CPNE8: variants seen among roughly 807,000 people sequenced by gnomAD.
The protein encoded by CPNE8 is copine 8.
Under a neutral mutation model 81.5 loss-of-function variants are expected in CPNE8, and 45 were observed. That is an observed-to-expected ratio of 0.55 (90% CI 0.44 to 0.71). CPNE8 has a LOEUF of 0.71. CPNE8 is among the 30% of genes least tolerant of loss of function. The pLI is 0.00. For synonymous variants in CPNE8, 252 were observed against 226.3 expected (o/e 1.11, Z -1.02); for missense variants, 594 against 672.1 (o/e 0.88, Z 1.28).
chr12:38,834,200 T>C (rs1943345410), intron 5 of CPNE8, among the ~76,000 whole-genome samples: 1 of 152,190 alleles, frequency 6.6e-6, no homozygotes, highest in Admixed American at 6.5e-5. Flanking sequence ...TCTTCTCCAT[T>C]TGCATTTTCT....
chr12:38,817,614 CTTTT>C (rs869168296), intron 6 of CPNE8, among the ~76,000 whole-genome samples: 18 of 90,606 alleles, frequency 2.0e-4, no homozygotes, highest in Non-Finnish European at 3.1e-4. Flanking sequence ...TTAATTTATT[CTTTT>C]TTTTTTTTTT....
intron 15 of CPNE8, among the ~76,000 whole-genome samples, chr12:38,690,733 G>A (rs944244701): frequency 6.6e-6 from 1 of 152,070 alleles, no homozygotes; most frequent in African/African-American, 2.4e-5. Context: ...AGAAATGTAT[G>A]GAGAGAAAAT....
chr12:38,675,643 G>T, intron 18 of CPNE8, 74 bp downstream of exon 18: 1 of 940,484 alleles, frequency 1.1e-6, no homozygotes. Flanking sequence ...AGACAAGAAT[G>T]GCAGAAACCC....
intron 8 of CPNE8, among the ~76,000 whole-genome samples, chr12:38,764,577 A>G (rs1941642612): frequency 7.2e-6 from 1 of 139,658 alleles, no homozygotes; most frequent in African/African-American, 2.7e-5. Flanking sequence ...AGATCCCGCC[A>G]CTGCACTCCA....
intron 19 of CPNE8, among the ~76,000 whole-genome samples, chr12:38,669,071 AT>A: frequency 6.6e-6 from 1 of 152,062 alleles, no homozygotes; most frequent in Admixed American, 6.6e-5. Flanking sequence ...AATAAAATAA[AT>A]AACACACACA....
intron 4 of CPNE8, among the ~76,000 whole-genome samples, chr12:38,840,296 T>G (rs2137042129): frequency 6.6e-6 from 1 of 152,312 alleles, no homozygotes; most frequent in Middle Eastern, 3.4e-3. Flanking sequence ...ACTGTGCAAC[T>G]TACTTCAAAA....
intron 19 of CPNE8, among the ~76,000 whole-genome samples, chr12:38,657,380 C>T (rs1223869570): frequency 2.6e-5 from 4 of 152,156 alleles, no homozygotes; most frequent in East Asian, 3.9e-4. Context: ...CAAGGAAGCT[C>T]GAACTGGGTG....
At chr12:38,819,489 C>G (rs1484223225) in intron 6 of CPNE8, among the ~76,000 whole-genome samples, 2 of 151,998 alleles carry the variant, frequency 1.3e-5, no homozygotes, top group Non-Finnish European at 1.5e-5. Flanking sequence ...GAGATAGGGC[C>G]GGGCGCGGTG....
At chr12:38,833,271 TGATCCCGGAGGCA>T (rs1462473818) in intron 5 of CPNE8, among the ~76,000 whole-genome samples, 5 of 149,446 alleles carry the variant, frequency 3.3e-5, no homozygotes, top group African/African-American at 1.2e-4. Context: ...GAGAATCGCT[TGATCCCGGAGGCA>T]GAGGTAACAG....
At chr12:38,768,630 C>T (rs1207219951) in intron 7 of CPNE8, among the ~76,000 whole-genome samples, 1 of 152,132 alleles carries the variant, frequency 6.6e-6, no homozygotes, top group African/African-American at 2.4e-5. Flanking sequence ...CCCCATTCTC[C>T]TGCCTCAGCA....
chr12:38,724,564 C>T (rs1410191875), intron 12 of CPNE8, among the ~76,000 whole-genome samples: 3 of 152,078 alleles, frequency 2.0e-5, no homozygotes, highest in Non-Finnish European at 4.4e-5. Context: ...ACTTGGATTC[C>T]ACTGAATGAA....
At chr12:38,881,711 A>G (rs572495193) in intron 1 of CPNE8, among the ~76,000 whole-genome samples, 5 of 152,328 alleles carry the variant, frequency 3.3e-5, no homozygotes, top group Admixed American at 3.3e-4. Flanking sequence ...CTTGGAAACT[A>G]CTTAAAAAGA....
intron 10 of CPNE8, among the ~76,000 whole-genome samples, chr12:38,732,555 A>G (rs1940854427): frequency 6.6e-6 from 1 of 151,914 alleles, no homozygotes; most frequent in Admixed American, 6.6e-5. Flanking sequence ...TGTGCTGCCC[A>G]CTTATATTTT....
chr12:38,669,486 A>G (rs940679344), intron 19 of CPNE8, among the ~76,000 whole-genome samples: 1 of 152,206 alleles, frequency 6.6e-6, no homozygotes, highest in Non-Finnish European at 1.5e-5. Context: ...ACTGAAATCT[A>G]TAAAGCTTAT....
chr12:38,844,894 C>T (rs1372754201), intron 4 of CPNE8, among the ~76,000 whole-genome samples: 2 of 152,152 alleles, frequency 1.3e-5, no homozygotes, highest in Non-Finnish European at 2.9e-5. Context: ...AAACCATTTA[C>T]ATCTATCTGT....
intron 5 of CPNE8, among the ~76,000 whole-genome samples, chr12:38,832,826 C>G (rs914747032): frequency 6.6e-6 from 1 of 151,974 alleles, no homozygotes; most frequent in African/African-American, 2.4e-5. Context: ...CCACTGCACC[C>G]GGGCTTGATT....
chr12:38,871,861 C>T (rs1378262367), intron 3 of CPNE8, among the ~76,000 whole-genome samples: 4 of 152,040 alleles, frequency 2.6e-5, no homozygotes, highest in African/African-American at 4.8e-5. Context: ...ATGAGCTGGG[C>T]GTGGTGGCTC....
intron 13 of CPNE8, among the ~76,000 whole-genome samples, chr12:38,717,640 CG>C (rs1257250728): frequency 5.9e-5 from 9 of 151,388 alleles, no homozygotes; most frequent in African/African-American, 2.2e-4. Context: ...AATGATACAA[CG>C]GACTTTGGGG....
intron 19 of CPNE8, among the ~76,000 whole-genome samples, chr12:38,664,083 A>T (rs1283861058): frequency 6.6e-6 from 1 of 152,124 alleles, no homozygotes; most frequent in Non-Finnish European, 1.5e-5. Flanking sequence ...TACCGTAGTT[A>T]ATGATTATTT....
Sources: gnomAD v4.1 joint callset for allele counts (sites outside exome capture counted in the v4.1 genomes callset) on GRCh38, gnomAD v4.1.1 for gene constraint, MANE v1.5 for transcripts, NCBI Gene and HGNC (gene_info 2026-07-23, HGNC 2026-07-21) for gene names.